The following DCAF4 variants were observed in gnomAD, a reference collection of about 807,000 sequenced individuals.
DCAF4 encodes the protein DDB1- and CUL4-associated factor 4.
Under a neutral mutation model 60.9 loss-of-function variants are expected in DCAF4, and 37 were observed. The ratio of observed to expected loss-of-function variants is 0.61; its 90% confidence interval spans 0.47 to 0.80. DCAF4 has a LOEUF of 0.80. Among genes scored for constraint, DCAF4 ranks in the 30% least tolerant of loss-of-function variants. DCAF4 has a pLI of 0.00. For missense variants in DCAF4, 577 were observed against 650.0 expected (o/e 0.89, Z 1.22); for synonymous variants, 243 against 254.8 (o/e 0.95, Z 0.44).
At chr14:72,930,022 C>T in intron 1 of DCAF4, 1 of 581,130 alleles carries the variant, frequency 1.7e-6, no homozygotes, top group Non-Finnish European at 3.0e-6. Context: ...ATTCCGGCTA[C>T]TCCGAGGTTG....
At chr14:72,961,607 C>T (rs1002124099), downstream of DCAF4, among the ~76,000 whole-genome samples, 1 of 152,244 alleles carries the variant, frequency 6.6e-6, no homozygotes, top group Non-Finnish European at 1.5e-5. Flanking sequence ...AAACCATTCA[C>T]AGTCTTCCCG....
At chr14:72,934,845 G>A (rs1393033679) in intron 1 of DCAF4, among the ~76,000 whole-genome samples, 1 of 152,188 alleles carries the variant, frequency 6.6e-6, no homozygotes, top group Admixed American at 6.5e-5. Context: ...TTGTAAATGT[G>A]TGTGGAGTAG....
At chr14:72,957,738 A>G (rs1012435001) in intron 13 of DCAF4, 2 of 152,250 alleles carry the variant, frequency 1.3e-5, no homozygotes, top group Non-Finnish European at 2.9e-5. Flanking sequence ...TTCTGGTCTT[A>G]GAGCCACACA....
At chr14:72,951,675 A>G (rs1490084112) in intron 8 of DCAF4, 123 bp from the exon 9 acceptor site, 1 of 814,932 alleles carries the variant, frequency 1.2e-6, no homozygotes, top group Admixed American at 2.0e-5. Flanking sequence ...CGCATGTTGA[A>G]TCTGGACGGT....
At chr14:72,939,703 G>T (rs552350945) in intron 2 of DCAF4, 99 bp from the exon 3 acceptor site, 1 of 940,470 alleles carries the variant, frequency 1.1e-6, no homozygotes, top group South Asian at 1.7e-5. Flanking sequence ...GAGATCAGAG[G>T]TGAAGGCTGC....
chr14:72,942,507 G>C (rs1302787254), intron 5 of DCAF4: 1 of 157,368 alleles, frequency 6.4e-6, no homozygotes, highest in Non-Finnish European at 1.4e-5. Context: ...AACACCGTAG[G>C]TATCAGGCAG....
At chr14:72,937,751 A>G (rs571260400) in intron 1 of DCAF4, among the ~76,000 whole-genome samples, 1 of 152,198 alleles carries the variant, frequency 6.6e-6, no homozygotes, top group African/African-American at 2.4e-5. Flanking sequence ...GTAGGAAACT[A>G]TGTGGTCGAC....
intron 5 of DCAF4, chr14:72,942,625 C>A (rs753968395): frequency 1.5e-4 from 15 of 101,748 alleles, no homozygotes; most frequent in African/African-American, 6.2e-4. Context: ...GGGCTCTTCC[C>A]GGCAGCCGTA....
intron 1 of DCAF4, among the ~76,000 whole-genome samples, chr14:72,932,900 C>G (rs911906245): frequency 7.3e-6 from 1 of 137,506 alleles, no homozygotes; most frequent in Non-Finnish European, 1.6e-5. Context: ...TTCTTTCTTT[C>G]TTTTTTTTAA....
chr14:72,940,528 AGAC>A, intron 4 of DCAF4, 151 bp downstream of exon 4: 1 of 726,768 alleles, frequency 1.4e-6, no homozygotes, highest in Non-Finnish European at 2.1e-6. Flanking sequence ...GACAGGAAGA[AGAC>A]AAGAATAAGA....
intron 1 of DCAF4, among the ~76,000 whole-genome samples, chr14:72,935,970 T>C (rs563702900): frequency 6.6e-6 from 1 of 152,304 alleles, no homozygotes; most frequent in Non-Finnish European, 1.5e-5. Context: ...TTTTCTCTTT[T>C]TGAGATGGGG....
intron 2 of DCAF4, 148 bp downstream of exon 2, chr14:72,938,218 A>G: frequency 8.6e-7 from 1 of 1,168,424 alleles, no homozygotes; most frequent in East Asian, 2.6e-5. Flanking sequence ...GGTCTTGAGG[A>G]GAGCCTGCCT....
chr14:72,958,878 A>ATG lies in DCAF4; in HGVS notation c.*74_*75dup. 1 of 1,503,074 alleles carries ATG rather than the reference A, an allele frequency of 6.7e-7. No homozygotes were observed. Among genetic ancestry groups the ATG allele is most frequent in the South Asian group, 1.3e-5 (1 of 74,108 alleles). The allele number at this position is 1,503,074 out of a possible 1,614,324, so 93.1% of individuals were successfully genotyped here. A position where few individuals can be genotyped will look rare whatever the true frequency, so the allele number is the denominator to read the frequency against. On this transcript the variant is annotated 3_prime_UTR_variant, in exon 14 of 14. Coordinates refer to ENST00000358377, the MANE Select transcript of DCAF4 (RefSeq NM_015604.4). ...AAAGCGTAACTTTTTACTGCATCTAATGAGGGTGTTTTAAGTGACACTCAG... is the reference window on the plus strand; with the variant it reads ...AAAGCGTAACTTTTTACTGCATCTAATGTGAGGGTGTTTTAAGTGACACTCAG...
Position 72,953,720 on chromosome 14 carries a change from AAAAAAAAAAAAAAT to A in DCAF4, c.809-442_809-429del, listed in dbSNP as rs1343617291. Among the ~76,000 whole-genome samples, 264 of 50,438 alleles carry A rather than the reference AAAAAAAAAAAAAAT, an allele frequency of 5.2e-3. 14 individuals carry two copies. Among genetic ancestry groups the A allele is most frequent in the African/African-American group, 0.024 (259 of 10,854 alleles). The allele number at this position is 50,438 out of a possible 152,430, so 33.1% of individuals were successfully genotyped here. A position where few individuals can be genotyped will look rare whatever the true frequency, so the allele number is the denominator to read the frequency against. ...ACAAGACCCTGTCTTAAAAAAAAAAAAAAAAAAAAAAAATATATATATATATATATATATATATA... is the reference window on the plus strand; with the variant it reads ...ACAAGACCCTGTCTTAAAAAAAAAAAATATATATATATATATATATATATA... On this transcript the variant is annotated intron_variant, in intron 9 of 13. Transcript: ENST00000358377.
At chr14:72,953,733 ATATATATATATATAT>A (rs1202075315) in intron 9 of DCAF4, among the ~76,000 whole-genome samples, 1 of 24,688 alleles carries the variant, frequency 4.1e-5, no homozygotes, top group African/African-American at 2.8e-4. Flanking sequence ...AAAAAAAAAA[ATATATATATATATAT>A]ATATATATAT....
chr14:72,948,497 A>G (rs1190038823), intron 8 of DCAF4, among the ~76,000 whole-genome samples: 1 of 152,252 alleles, frequency 6.6e-6, no homozygotes, highest in East Asian at 1.9e-4. Flanking sequence ...GGGACTGACC[A>G]CATGTTACTA....
At chr14:72,946,048 G>A (rs1890696917) in intron 7 of DCAF4, 21 bp downstream of exon 7, 1 of 1,612,294 alleles carries the variant, frequency 6.2e-7, no homozygotes, top group Non-Finnish European at 8.5e-7. Flanking sequence ...CATCCCTGTA[G>A]CCTCTCTGCA....
chr14:72,944,062 C>T (rs1309268364), intron 6 of DCAF4, among the ~76,000 whole-genome samples: 2 of 152,190 alleles, frequency 1.3e-5, no homozygotes, highest in Non-Finnish European at 2.9e-5. Context: ...GCAGCCCCTT[C>T]CCTGGGGTAA....
intron 2 of DCAF4, among the ~76,000 whole-genome samples, chr14:72,938,346 T>G (rs1025351860): frequency 1.3e-5 from 2 of 152,228 alleles, no homozygotes; most frequent in African/African-American, 4.8e-5. Flanking sequence ...GCCAGAGCAT[T>G]CGCCATAAAG....
Sources: allele counts gnomAD v4.1 joint callset (sites outside exome capture counted in the v4.1 genomes callset), GRCh38; gene constraint gnomAD v4.1.1; transcripts MANE v1.5; gene names NCBI Gene and HGNC (gene_info 2026-07-23, HGNC 2026-07-21).